SHOC1: variants seen among roughly 807,000 people sequenced by gnomAD.
The protein encoded by SHOC1 is protein shortage in chiasmata 1 ortholog.
Under a neutral mutation model 179.2 loss-of-function variants are expected in SHOC1, and 136 were observed. That is an observed-to-expected ratio of 0.76 (90% CI 0.66 to 0.87). The LOEUF (loss-of-function observed/expected upper bound fraction) is 0.87, where lower values mean the gene tolerates loss of function less well. SHOC1 is among the 40% of genes least tolerant of loss of function. The probability of loss-of-function intolerance (pLI) is 0.00; values close to 1 mark genes in which losing one functional copy is unlikely to be tolerated. For missense variants in SHOC1, 1,538 were observed against 1,700.8 expected (o/e 0.90, Z 1.68); for synonymous variants, 489 against 586.6 (o/e 0.83, Z 2.41).
chr9:111,755,695 G>C (rs1362548216), intron 8 of SHOC1, among the ~76,000 whole-genome samples: 1 of 152,114 alleles, frequency 6.6e-6, no homozygotes, highest in Non-Finnish European at 1.5e-5. Flanking sequence ...CAGTATAGAA[G>C]TTGATAATGT....
At chr9:111,709,545 A>G (rs918789576) in intron 18 of SHOC1, among the ~76,000 whole-genome samples, 1 of 152,236 alleles carries the variant, frequency 6.6e-6, no homozygotes, top group Non-Finnish European at 1.5e-5. Context: ...CCGTTCTGAA[A>G]AAGAGTAAAA....
chr9:111,786,276 T>C (rs1836255258), intron 2 of SHOC1, among the ~76,000 whole-genome samples: 1 of 151,988 alleles, frequency 6.6e-6, no homozygotes. Flanking sequence ...CTACTAAAAA[T>C]ACAAAAAAAT....
At chr9:111,738,148 C>G in intron 12 of SHOC1, 132 bp downstream of exon 12, 1 of 695,254 alleles carries the variant, frequency 1.4e-6, no homozygotes, top group East Asian at 3.3e-5. Context: ...GTCATAAATT[C>G]TGGCAGAGCC....
At chr9:111,735,234 TGTA>T (rs937982323) in intron 12 of SHOC1, among the ~76,000 whole-genome samples, 12 of 152,030 alleles carry the variant, frequency 7.9e-5, no homozygotes, top group Non-Finnish European at 1.8e-4. Context: ...GTGCAGAACG[TGTA>T]GGTTTGTTAC....
Position 111,781,036 on chromosome 9 carries a change from A to G in SHOC1, c.170-19T>C. The G allele has an allele frequency of 6.4e-7, 1 of 1,556,924 alleles. No individual in the cohort carries two copies. The highest frequency in any genetic ancestry group is 2.3e-5 in the East Asian group (1 of 44,214). ...GCTGAGACTAGAAAGGATAATAGTTAACATTAATGTCTAGAATTTTCTTTT... is the reference window on the plus strand; with the variant it reads ...GCTGAGACTAGAAAGGATAATAGTTGACATTAATGTCTAGAATTTTCTTTT... On this transcript the variant is annotated intron_variant, in intron 3 of 27. Coordinates refer to ENST00000682961, the MANE Select transcript of SHOC1 (RefSeq NM_001378211.1).
Position 111,791,431 on chromosome 9 carries a change from T to C in SHOC1, c.-13A>G. ...ATGCTGAAAACATATCTTCTTTCTT[T>C]CAAAGCAGTGTAAATTTCAACATCT... On this transcript the variant is annotated 5_prime_UTR_variant, in exon 2 of 28. An upstream open reading frame in the 5' UTR loses its in-frame stop. Coordinates refer to ENST00000682961, the MANE Select transcript of SHOC1 (RefSeq NM_001378211.1). The C allele has an allele frequency of 6.9e-7, 1 of 1,459,520 alleles. No homozygotes were observed. Among genetic ancestry groups the C allele is most frequent in the South Asian group, 1.5e-5 (1 of 66,256 alleles). The allele number at this position is 1,459,520 out of a possible 1,614,324, so 90.4% of individuals were successfully genotyped here. A position where few individuals can be genotyped will look rare whatever the true frequency, so the allele number is the denominator to read the frequency against.
In SHOC1 at chr9:111,686,762, C is replaced by T; in HGVS notation, c.*8G>A. ...GAATATGGCATGTAACATTGCTCTT[C>T]TCCTCCTTCAAAAAAACCTCAGCCG... On this transcript the variant is annotated 3_prime_UTR_variant, in exon 28 of 28. Coordinates refer to ENST00000682961, the MANE Select transcript of SHOC1 (RefSeq NM_001378211.1). 2.5e-6 allele frequency: 4 copies of T among 1,578,160 alleles called. No individual in the cohort carries two copies. Among genetic ancestry groups the T allele is most frequent in the Non-Finnish European group, 3.5e-6 (4 of 1,147,934 alleles).
intron 26 of SHOC1, among the ~76,000 whole-genome samples, chr9:111,692,908 A>G (rs191394940): frequency 2.6e-5 from 4 of 152,360 alleles, no homozygotes; most frequent in African/African-American, 7.2e-5. Flanking sequence ...TAACGTAAAT[A>G]CATGTGAATA....
At chr9:111,790,567 C>T (rs776870877) in intron 2 of SHOC1, among the ~76,000 whole-genome samples, 8 of 151,354 alleles carry the variant, frequency 5.3e-5, no homozygotes, top group South Asian at 2.1e-4. Context: ...TTTTTTGAGA[C>T]GGAGTCTCAC....
chr9:111,780,092 T>G (rs1206322097), intron 4 of SHOC1, among the ~76,000 whole-genome samples: 1 of 152,250 alleles, frequency 6.6e-6, no homozygotes. Context: ...TCTTGCATTG[T>G]TAATTTTTTC....
chr9:111,715,757 T>C (rs922505577), intron 16 of SHOC1, among the ~76,000 whole-genome samples: 7 of 152,176 alleles, frequency 4.6e-5, no homozygotes, highest in African/African-American at 1.7e-4. Context: ...AACTTCTACT[T>C]ATTTTTTTAA....
Position 111,692,443 on chromosome 9 carries a change from C to G in SHOC1, c.3534G>C (p.Ser1178=). The G allele has an allele frequency of 6.2e-7, 1 of 1,607,736 alleles. No individual in the cohort carries two copies. Among genetic ancestry groups the G allele is most frequent in the Non-Finnish European group, 8.5e-7 (1 of 1,177,166 alleles). ...SSSITKSPQI[S]SPQENRNQIS... ...TCTGATTCCTATTTTCCTGAGGTGA[C>G]GAAATTTGCGGTGATTTTGTTATGG... Residue 1178 remains serine, a synonymous_variant, in exon 27 of 28, where the codon TCG becomes TCC. Coordinates refer to ENST00000682961, the MANE Select transcript of SHOC1 (RefSeq NM_001378211.1).
chr9:111,687,697 C>G (rs1016966009), intron 27 of SHOC1, among the ~76,000 whole-genome samples: 1 of 152,066 alleles, frequency 6.6e-6, no homozygotes, highest in South Asian at 2.1e-4. Context: ...TTCCGTGTAC[C>G]TTGTATCCAT....
intron 12 of SHOC1, among the ~76,000 whole-genome samples, chr9:111,730,984 T>C (rs1833542193): frequency 6.6e-6 from 1 of 152,254 alleles, no homozygotes; most frequent in South Asian, 2.1e-4. Flanking sequence ...TGCTTCACCT[T>C]GTACTTTTAT....
chr9:111,702,063 A>G, intron 23 of SHOC1, 42 bp downstream of exon 23: 1 of 1,382,242 alleles, frequency 7.2e-7, no homozygotes, highest in Non-Finnish European at 9.9e-7. Flanking sequence ...CTTAGGATTA[A>G]GAAATACGAA....
At chr9:111,728,466 G>C (rs1833412093) in intron 12 of SHOC1, among the ~76,000 whole-genome samples, 1 of 152,130 alleles carries the variant, frequency 6.6e-6, no homozygotes, top group Non-Finnish European at 1.5e-5. Context: ...CTCTATATTT[G>C]AAAAGGAACC....
intron 12 of SHOC1, among the ~76,000 whole-genome samples, chr9:111,735,815 C>G (rs923802295): frequency 2.0e-5 from 3 of 152,174 alleles, no homozygotes; most frequent in African/African-American, 7.2e-5. Context: ...AGTGTAAAAG[C>G]ATTTCTATTT....
At chr9:111,705,434 T>TA in intron 20 of SHOC1, 70 bp from the exon 21 acceptor site, 2 of 677,982 alleles carry the variant, frequency 2.9e-6, no homozygotes, top group East Asian at 3.1e-5. Flanking sequence ...TTTTTTTTTT[T>TA]ACTAAACATG....
At chr9:111,774,952 G>A (rs1221813469) in intron 5 of SHOC1, among the ~76,000 whole-genome samples, 3 of 151,932 alleles carry the variant, frequency 2.0e-5, no homozygotes, top group Non-Finnish European at 2.9e-5. Flanking sequence ...ACATCCTCTA[G>A]TAAGATGAGA....
Sources: gnomAD v4.1 joint callset for allele counts (sites outside exome capture counted in the v4.1 genomes callset) on GRCh38, gnomAD v4.1.1 for gene constraint, MANE v1.5 for transcripts, NCBI Gene and HGNC (gene_info 2026-07-23, HGNC 2026-07-21) for gene names.